The following GOLGB1 variants were observed in gnomAD, a reference collection of about 807,000 sequenced individuals.
The protein encoded by GOLGB1 is golgin B1.
In GOLGB1, 174 loss-of-function variants were observed where a neutral mutation model predicts 336.9. The ratio of observed to expected loss-of-function variants is 0.52; its 90% CI spans 0.46 to 0.59. The LOEUF (loss-of-function observed/expected upper bound fraction) is 0.59, where lower values mean the gene tolerates loss of function less well. Ranked by LOEUF, GOLGB1 falls within the 20% of genes least tolerant of loss-of-function variation. GOLGB1 has a pLI of 0.00. For synonymous variants in GOLGB1, 1,208 were observed against 1,289.2 expected, an observed-to-expected ratio of 0.94 and a Z score of 1.35; for missense variants, 3,331 against 3,645.3, an observed-to-expected ratio of 0.91 and a Z score of 2.22.
At position 121,663,975 on chromosome 3, in the gene GOLGB1, T is replaced by A. The variant is rs1381661913; in HGVS notation, c.*505A>T. On this transcript the variant is annotated 3_prime_UTR_variant, in exon 22 of 22. Coordinates refer to ENST00000614479, the MANE Select transcript of GOLGB1 (RefSeq NM_001366282.2). ...TCACCACCCTATTCTGCAAGAGACC[T>A]AAATCAGATGTCCTATGAGGTGACA... 1 of 158,482 alleles carries A rather than the reference T, an allele frequency of 6.3e-6. No individual in the cohort carries two copies. The highest frequency in any genetic ancestry group is 1.4e-5 in the Non-Finnish European group (1 of 71,346). 9.8% of individuals were successfully genotyped at this position (158,482 alleles called of 1,614,324 possible).
In GOLGB1 at chr3:121,697,072, C is replaced by T. The variant is rs1943013240; in HGVS notation, c.3451G>A (p.Val1151Met). 2 of 1,613,872 alleles carry T rather than the reference C, an allele frequency of 1.2e-6. No individual in the cohort carries two copies. Among genetic ancestry groups the T allele is most frequent in the African/African-American group, 1.3e-5 (1 of 74,912 alleles). ...CTACCTGTACAAGGTGGACTTATCA[C>T]CACTGTTTCCTTTACAAGTGCTACG... ...DSVALVKETV[V>M]ISPPCTGSSE... Residue 1151 changes from valine to methionine, a missense_variant, in exon 13 of 22, where the codon GTG becomes ATG. Transcript: ENST00000614479.
rs1940545935 is a variant in GOLGB1, at chr3:121,677,380, T to C, written c.8944A>G (p.Lys2982Glu). The C allele has an allele frequency of 4.4e-6, 7 of 1,605,442 alleles. No homozygotes were observed. The East Asian group carries it at 8.9e-5, about 20-fold the overall frequency. Reference protein sequence around the residue: ...KEQYLMAISDKDQQLSHLQNL... With the variant: ...KEQYLMAISDEDQQLSHLQNL... ...TGCAGATGACTGAGCTGCTGATCTT[T>C]ATCTGAGATAGCCATAAGGTACTGT... The change falls in exon 16 of 22, where the codon AAA (lysine) becomes GAA (glutamate). Residue 2982 changes from lysine (K) to glutamate (E), a missense_variant. Transcript: ENST00000614479.
At chr3:121,733,174 T>G (rs1394750995) in intron 1 of GOLGB1, among the ~76,000 whole-genome samples, 1 of 151,430 alleles carries the variant, frequency 6.6e-6, no homozygotes, top group African/African-American at 2.4e-5. Flanking sequence ...ATACAAAAAA[T>G]TAGCCGGGTG....
At chr3:121,688,984 G>A (rs1389890087) in intron 14 of GOLGB1, among the ~76,000 whole-genome samples, 91 of 151,792 alleles carry the variant, frequency 6.0e-4, no homozygotes, top group Non-Finnish European at 9.9e-4. Context: ...GAGCGTCTCC[G>A]CCCGGCAGCC....
At position 121,697,674 on chromosome 3, in the gene GOLGB1, T is replaced by G; in HGVS notation, c.2849A>C (p.Lys950Thr). 1 of 1,612,784 alleles carries G rather than the reference T, an allele frequency of 6.2e-7. No homozygotes were observed. Among genetic ancestry groups the G allele is most frequent in the South Asian group, 1.1e-5 (1 of 90,874 alleles). ...ATTATCTTCTTCCACCTGCTCTTTT[T>G]TTGCTTCCTCAGCTCTGGATAATAA... ...LNLLSRAEEAKKEQVEEDNEV... is the reference protein window; with the variant it reads ...LNLLSRAEEATKEQVEEDNEV... The change falls in exon 13 of 22, where the codon AAA (lysine) becomes ACA (threonine). Residue 950 changes from lysine (K) to threonine (T), a missense_variant. Physicochemically the swap from Lys to Thr is moderately conservative, Grantham distance 78. Transcript: ENST00000614479.
intron 1 of GOLGB1, among the ~76,000 whole-genome samples, chr3:121,732,569 G>GA (rs1946190731): frequency 6.6e-6 from 1 of 152,108 alleles, no homozygotes; most frequent in South Asian, 2.1e-4. Flanking sequence ...TTCAAAATAT[G>GA]AAAATCAATG....
intron 1 of GOLGB1, chr3:121,748,889 G>A (rs1947558687): frequency 1.0e-6 from 1 of 983,674 alleles, no homozygotes; most frequent in Admixed American, 6.2e-5. Flanking sequence ...ATTCCTCAAA[G>A]GACTCACCCT....
At chr3:121,748,926 T>A (rs1286162116) in intron 1 of GOLGB1, 9 of 984,970 alleles carry the variant, frequency 9.1e-6, no homozygotes, top group Non-Finnish European at 1.1e-5. Context: ...TTGTGCAGAT[T>A]AAACATACTC....
At chr3:121,687,411 G>T (rs547272502) in intron 14 of GOLGB1, among the ~76,000 whole-genome samples, 1 of 152,306 alleles carries the variant, frequency 6.6e-6, no homozygotes, top group South Asian at 2.1e-4. Context: ...TATGGTGATG[G>T]TCTGAAAATA....
chr3:121,702,476 C>A lies in GOLGB1; in HGVS notation c.1519+5G>T. 7.4e-7 allele frequency: 1 copy of A among 1,354,224 alleles called. No individual in the cohort carries two copies. The allele number at this position is 1,354,224 out of a possible 1,614,324, so 83.9% of individuals were successfully genotyped here. A position where few individuals can be genotyped will look rare whatever the true frequency, so the allele number is the denominator to read the frequency against. On this transcript the variant is annotated splice_donor_5th_base_variant and intron_variant, in intron 11 of 21. Coordinates refer to ENST00000614479, the MANE Select transcript of GOLGB1 (RefSeq NM_001366282.2). ...CAGAGAATTATGGTTTTCTTTTATA[C>A]ATACCATTCTCAGCTTTCAGCTCCT...
rs1279825083 is a variant in GOLGB1 at position 121,697,189 on chromosome 3, G to C, written c.3334C>G (p.Gln1112Glu). 100 of 1,613,822 alleles carry C rather than the reference G, an allele frequency of 6.2e-5. No individual in the cohort carries two copies. Among genetic ancestry groups the C allele is most frequent in the Non-Finnish European group, 8.4e-5 (99 of 1,179,914 alleles). Residue 1112 changes from glutamine (Q) to glutamate (E), a missense_variant, in exon 13 of 22, where the codon CAA becomes GAA. Transcript: ENST00000614479. ...MNQTLQDKTNQIDLLQAEISE... is the reference protein window; with the variant it reads ...MNQTLQDKTNEIDLLQAEISE... ...ATTTCTGCTTGGAGCAAATCTATTT[G>C]GTTTGTTTTATCTTGCAAGGTCTGA...
At position 121,726,941 on chromosome 3, in the gene GOLGB1, G is replaced by T. The variant is rs1167220729; in HGVS notation, c.503C>A (p.Thr168Asn). Residue 168 changes from threonine (T) to asparagine (N), a missense_variant, in exon 5 of 22, where the codon ACT becomes AAT. Coordinates refer to ENST00000614479, the MANE Select transcript of GOLGB1 (RefSeq NM_001366282.2). ...TGCAGGTTGTTCTGCCTGTGCCTGA[G>T]TAAGCTGGGCTTGCAAAGTGCTGAT... is the stretch of plus-strand genomic sequence containing the variant. ...ELISTLQAQL[T>N]QAQAEQPAQS... The T allele has an allele frequency of 6.2e-7, 1 of 1,603,306 alleles. No homozygotes were observed. The highest frequency in any genetic ancestry group is 8.5e-7 in the Non-Finnish European group (1 of 1,173,598).
intron 2 of GOLGB1, 129 bp downstream of exon 2, chr3:121,730,747 A>T (rs1438955725): frequency 1.2e-6 from 1 of 856,256 alleles, no homozygotes. Flanking sequence ...TAAAATTTCA[A>T]TATTTTTCTT....
chr3:121,692,060 T>A lies in GOLGB1; in HGVS notation c.7304A>T (p.Glu2435Val). 1 of 1,612,710 alleles carries A rather than the reference T, an allele frequency of 6.2e-7. No individual in the cohort carries two copies. The highest frequency in any genetic ancestry group is 1.3e-5 in the African/African-American group (1 of 74,870). Residue 2435 changes from glutamate to valine, a missense_variant, in exon 14 of 22, where the codon GAG becomes GTG. Transcript: ENST00000614479. ...GGTTTTATCAACAGCCTTTTTGTTCTCCTCTTCTAAAACAATATTCTCCTC... is the reference window on the plus strand; with the variant it reads ...GGTTTTATCAACAGCCTTTTTGTTCACCTCTTCTAAAACAATATTCTCCTC... ...EEEENIVLEE[E>V]NKKAVDKTNQ...
intron 17 of GOLGB1, among the ~76,000 whole-genome samples, chr3:121,670,387 AGAC>A (rs1446782868): frequency 2.6e-5 from 4 of 152,198 alleles, no homozygotes; most frequent in Non-Finnish European, 5.9e-5. Flanking sequence ...TTTAGAGGAG[AGAC>A]GACAGTTTTC....
chr3:121,743,633 AAATT>A (rs1947039095), intron 1 of GOLGB1, among the ~76,000 whole-genome samples: 1 of 152,214 alleles, frequency 6.6e-6, no homozygotes, highest in Non-Finnish European at 1.5e-5. Context: ...CAGTTAATCA[AAATT>A]AATACCTCTA....
rs550680096 is a variant in GOLGB1 at position 121,743,765 on chromosome 3, T to C, written c.-3+5867A>G. ...CTTTACCAAATTGTCAAAAATGAGA[T>C]AATCTAAGTGCTACAGAAGTTGCTG... On this transcript the variant is annotated intron_variant, in intron 1 of 21. Coordinates refer to ENST00000614479, the MANE Select transcript of GOLGB1 (RefSeq NM_001366282.2). Among the ~76,000 whole-genome samples, 40 of 152,268 alleles carry C rather than the reference T, an allele frequency of 2.6e-4. No individual in the cohort carries two copies. The South Asian group carries it at 7.9e-3, about 30-fold the overall frequency.
intron 12 of GOLGB1, among the ~76,000 whole-genome samples, chr3:121,699,132 A>C (rs1188989207): frequency 6.6e-6 from 1 of 152,220 alleles, no homozygotes; most frequent in African/African-American, 2.4e-5. Context: ...CCAATCCTGC[A>C]CTGAAGTCAA....
chr3:121,735,840 A>G (rs1338455671), intron 1 of GOLGB1, among the ~76,000 whole-genome samples: 1 of 152,182 alleles, frequency 6.6e-6, no homozygotes, highest in Non-Finnish European at 1.5e-5. Flanking sequence ...CAATGAGCGC[A>G]TCCAGATCTC....
Sources: gnomAD v4.1 joint callset for allele counts (sites outside exome capture counted in the v4.1 genomes callset) on GRCh38, gnomAD v4.1.1 for gene constraint, MANE v1.5 for transcripts, NCBI Gene and HGNC (gene_info 2026-07-23, HGNC 2026-07-21) for gene names.